The following PPP1R42 variants were observed in gnomAD, a reference collection of about 807,000 sequenced individuals.
PPP1R42 encodes the protein protein phosphatase 1 regulatory subunit 42, also known as leucine rich repeat containing 67.
PPP1R42 carries 34 observed loss-of-function variants against 31.0 expected under a neutral mutation model. That is an observed-to-expected ratio of 1.10 (90% CI 0.83 to 1.46). The LOEUF (loss-of-function observed/expected upper bound fraction) is 1.46. Ranked by LOEUF, PPP1R42 falls within the 40% of genes most tolerant of loss-of-function variation. The pLI, the probability that PPP1R42 is intolerant of heterozygous loss-of-function variation, is 0.00. For missense variants in PPP1R42, 268 were observed against 303.0 expected, an observed-to-expected ratio of 0.88 and a Z score of 0.86; for synonymous variants, 103 against 109.8, an observed-to-expected ratio of 0.94 and a Z score of 0.39.
In PPP1R42 at chr8:67,009,972, C is replaced by A. The variant is rs145508541; in HGVS notation, c.552+743G>T. Reference sequence around the variant, plus strand: ...CAAGAAATTATACCACAGCTCATTCCGTTGCCAAACCAGAAACTTTGAGGT... The same window carrying A: ...CAAGAAATTATACCACAGCTCATTCAGTTGCCAAACCAGAAACTTTGAGGT... On this transcript the variant is annotated intron_variant, in intron 5 of 7. Coordinates refer to ENST00000685739, the MANE Select transcript of PPP1R42 (RefSeq NM_001364910.1). Among the ~76,000 whole-genome samples, 676 of 152,290 alleles carry A rather than the reference C, an allele frequency of 4.4e-3. 9 individuals carry two copies. The highest frequency in any genetic ancestry group is 0.015 in the African/African-American group (641 of 41,552).
intron 5 of PPP1R42, among the ~76,000 whole-genome samples, chr8:67,010,067 C>G (rs895725827): frequency 6.6e-6 from 1 of 152,178 alleles, no homozygotes; most frequent in Non-Finnish European, 1.5e-5. Context: ...TGACTTAGGG[C>G]TATCACAATA....
intron 1 of PPP1R42, among the ~76,000 whole-genome samples, chr8:67,027,913 C>A (rs547378822): frequency 1.6e-4 from 24 of 151,820 alleles, no homozygotes; most frequent in Non-Finnish European, 3.4e-4. Flanking sequence ...TCTAGGGATC[C>A]ATTTTATTGT....
chr8:66,993,756 T>C (rs1815256567), intron 5 of PPP1R42, among the ~76,000 whole-genome samples: 1 of 152,218 alleles, frequency 6.6e-6, no homozygotes, highest in Non-Finnish European at 1.5e-5. Context: ...AGGGATCATA[T>C]CTGTTTTCTG....
At chr8:66,969,605 A>C (rs972047128) in intron 7 of PPP1R42, among the ~76,000 whole-genome samples, 1 of 152,178 alleles carries the variant, frequency 6.6e-6, no homozygotes, top group African/African-American at 2.4e-5. Flanking sequence ...CTCTGCAGGG[A>C]ATAGGGGTAG....
intron 7 of PPP1R42, among the ~76,000 whole-genome samples, chr8:66,976,221 C>A (rs898025227): frequency 2.0e-4 from 30 of 152,012 alleles, no homozygotes; most frequent in Non-Finnish European, 4.0e-4. Context: ...TCTCTCATTA[C>A]TCCCAGATAG....
chr8:67,022,710 T>G (rs753539417), intron 1 of PPP1R42, among the ~76,000 whole-genome samples: 1 of 152,146 alleles, frequency 6.6e-6, no homozygotes, highest in African/African-American at 2.4e-5. Context: ...AAGTGAGATA[T>G]TCAATATTTT....
At chr8:66,997,818 C>G (rs1372710944) in intron 5 of PPP1R42, among the ~76,000 whole-genome samples, 1 of 152,044 alleles carries the variant, frequency 6.6e-6, no homozygotes, top group Non-Finnish European at 1.5e-5. Context: ...TCCCAAAGTA[C>G]TGGGATTATA....
intron 4 of PPP1R42, 103 bp from the exon 5 acceptor site, chr8:67,010,934 G>T: frequency 9.0e-7 from 1 of 1,107,604 alleles, no homozygotes; most frequent in Non-Finnish European, 1.2e-6. Context: ...ATCAGTTCAG[G>T]TTGTTTTGTT....
intron 2 of PPP1R42, among the ~76,000 whole-genome samples, chr8:67,016,003 A>C (rs975331598): frequency 6.6e-6 from 1 of 152,232 alleles, no homozygotes; most frequent in Non-Finnish European, 1.5e-5. Context: ...ATGTGAGGAC[A>C]GAGTATGAAA....
chr8:67,008,600 C>T (rs889197768), intron 5 of PPP1R42, among the ~76,000 whole-genome samples: 9 of 151,412 alleles, frequency 5.9e-5, no homozygotes, highest in Non-Finnish European at 1.3e-4. Flanking sequence ...CCCAGCTACT[C>T]GAGAGGCTGA....
intron 6 of PPP1R42, among the ~76,000 whole-genome samples, chr8:66,982,648 A>G (rs887871560): frequency 6.6e-6 from 1 of 152,130 alleles, no homozygotes; most frequent in South Asian, 2.1e-4. Flanking sequence ...AGTAGAGACA[A>G]GGTCTTGCCA....
At chr8:66,971,076 T>G in intron 7 of PPP1R42, 1 of 1,534,518 alleles carries the variant, frequency 6.5e-7, no homozygotes, top group Non-Finnish European at 8.7e-7. Context: ...AGAAAAAGGC[T>G]AATTTTGGCT....
chr8:67,005,463 G>A (rs544901823), intron 5 of PPP1R42, among the ~76,000 whole-genome samples: 1 of 152,152 alleles, frequency 6.6e-6, no homozygotes, highest in South Asian at 2.1e-4. Flanking sequence ...TGTAAATGCT[G>A]TTGACTCTCA....
At chr8:67,022,999 C>T (rs565706758) in intron 1 of PPP1R42, among the ~76,000 whole-genome samples, 1 of 152,138 alleles carries the variant, frequency 6.6e-6, no homozygotes. Context: ...AATATCAAGT[C>T]TTCTTTTCCA....
intron 7 of PPP1R42, among the ~76,000 whole-genome samples, chr8:66,968,882 C>T (rs763479096): frequency 8.6e-5 from 13 of 152,022 alleles, no homozygotes; most frequent in Non-Finnish European, 1.2e-4. Flanking sequence ...TTATGTAATG[C>T]TTTTTCACAG....
intron 7 of PPP1R42, among the ~76,000 whole-genome samples, chr8:66,967,895 T>C (rs1199402766): frequency 6.6e-6 from 1 of 152,074 alleles, no homozygotes; most frequent in Non-Finnish European, 1.5e-5. Context: ...TGTATGGTGC[T>C]ACACAGTATT....
At chr8:66,991,380 T>G (rs903671382) in intron 5 of PPP1R42, among the ~76,000 whole-genome samples, 1 of 152,200 alleles carries the variant, frequency 6.6e-6, no homozygotes, top group Non-Finnish European at 1.5e-5. Flanking sequence ...TTGATGAATA[T>G]CTGTTTAAAG....
chr8:66,965,541 A>T (rs1814356490), intron 7 of PPP1R42, among the ~76,000 whole-genome samples: 1 of 150,420 alleles, frequency 6.6e-6, no homozygotes, highest in South Asian at 2.1e-4. Flanking sequence ...GGATCAAGTG[A>T]TCCTCCAAGT....
chr8:67,000,878 T>C (rs1815463081), intron 5 of PPP1R42, among the ~76,000 whole-genome samples: 1 of 152,264 alleles, frequency 6.6e-6, no homozygotes, highest in South Asian at 2.1e-4. Flanking sequence ...GCTTGTTCTA[T>C]CAACCAATGC....
Sources: allele counts gnomAD v4.1 joint callset (sites outside exome capture counted in the v4.1 genomes callset), GRCh38; gene constraint gnomAD v4.1.1; transcripts MANE v1.5; gene names NCBI Gene and HGNC (gene_info 2026-07-23, HGNC 2026-07-21).